Variants in RCAN2 observed in about 807,000 individuals in gnomAD.
RCAN2 encodes the protein regulator of calcineurin 2.
RCAN2 carries 9 observed loss-of-function variants against 23.6 expected under a neutral mutation model. That is an observed-to-expected ratio of 0.38 (90% confidence interval 0.23 to 0.67). The LOEUF (loss-of-function observed/expected upper bound fraction) is 0.67, where lower values mean the gene tolerates loss of function less well. RCAN2 is among the 30% of genes least tolerant of loss of function. The probability of loss-of-function intolerance (pLI) is 0.51; values close to 1 mark genes in which losing one functional copy is unlikely to be tolerated. For missense variants in RCAN2, 273 were observed against 302.3 expected (o/e 0.90, Z 0.72); for synonymous variants, 109 against 115.7 (o/e 0.94, Z 0.37).
rs1016014133 is a variant in RCAN2 at position 46,248,728 on chromosome 6, C to A, written c.394G>T (p.Ala132Ser). 8 of 1,604,432 alleles carry A rather than the reference C, an allele frequency of 5.0e-6. No homozygotes were observed. The highest frequency in any genetic ancestry group is 3.5e-5 in the Admixed American group (2 of 57,884). ...TTGGTAAACAATTACCTTACCTGTGCAAAGTAGAGCTTTAATTTTTTCCCT... is the reference window on the plus strand; with the variant it reads ...TTGGTAAACAATTACCTTACCTGTGAAAAGTAGAGCTTTAATTTTTTCCCT... The part of the protein sequence containing the change: ...FRGKKLKLYF[A>S]QVQTPETDGD... Residue 132 changes from alanine to serine, a missense_variant, in exon 3 of 5, where the codon GCA (alanine) becomes TCA (serine). Coordinates refer to ENST00000371374, the MANE Select transcript of RCAN2 (RefSeq NM_001251974.2).
chr6:46,253,887 T>C (rs539335226), intron 2 of RCAN2, among the ~76,000 whole-genome samples: 26 of 152,342 alleles, frequency 1.7e-4, no homozygotes, highest in African/African-American at 6.3e-4. Context: ...AGTAATATGC[T>C]GTACAGGTTT....
At chr6:46,487,394 G>A (rs954693736) in intron 1 of RCAN2, among the ~76,000 whole-genome samples, 2 of 152,182 alleles carry the variant, frequency 1.3e-5, no homozygotes, top group African/African-American at 2.4e-5. Flanking sequence ...TCAACTAAGA[G>A]GTGGCCCCTA....
intron 2 of RCAN2, among the ~76,000 whole-genome samples, chr6:46,299,904 A>G (rs566102039): frequency 4.6e-5 from 7 of 152,038 alleles, no homozygotes; most frequent in African/African-American, 1.7e-4. Flanking sequence ...AAGAAGCTTC[A>G]CTACTTAATT....
At chr6:46,447,660 A>G (rs1477246439) in intron 2 of RCAN2, among the ~76,000 whole-genome samples, 1 of 151,948 alleles carries the variant, frequency 6.6e-6, no homozygotes, top group Non-Finnish European at 1.5e-5. Context: ...TTTAAACTAC[A>G]GTAGTATATA....
intron 2 of RCAN2, among the ~76,000 whole-genome samples, chr6:46,450,487 T>C (rs1017875270): frequency 6.6e-6 from 1 of 152,114 alleles, no homozygotes; most frequent in African/African-American, 2.4e-5. Flanking sequence ...AAGAGATATC[T>C]GCTCTCCATT....
intron 4 of RCAN2, among the ~76,000 whole-genome samples, chr6:46,231,697 AC>A (rs1378794767): frequency 3.9e-5 from 6 of 152,156 alleles, no homozygotes; most frequent in African/African-American, 1.4e-4. Flanking sequence ...GGTGTGAGCC[AC>A]CACGCCCGGA....
In RCAN2 at chr6:46,223,146, T is replaced by G. The variant is rs1402291238; in HGVS notation, c.727A>C (p.Asn243His). The G allele has an allele frequency of 3.7e-6, 6 of 1,613,196 alleles. No individual in the cohort carries two copies. Among genetic ancestry groups the G allele is most frequent in the Non-Finnish European group, 5.1e-6 (6 of 1,179,904 alleles). Residue 243 changes from asparagine to histidine, a missense_variant, in exon 5 of 5, where the codon AAC becomes CAC. By Grantham distance (68) the Asn-to-His change is moderately conservative. Coordinates refer to ENST00000371374, the MANE Select transcript of RCAN2 (RefSeq NM_001251974.2). Reference protein sequence around the residue: ...RRPGLPPSVSN With the variant: ...RRPGLPPSVSH The stretch of plus-strand genomic sequence containing the variant: ...ATCGAGAAGGAGCAGGCAGCTCAGT[T>G]GGACACGGAGGGTGGCAGGCCAGGA...
chr6:46,318,077 T>C (rs184506859), intron 2 of RCAN2, among the ~76,000 whole-genome samples: 1 of 152,316 alleles, frequency 6.6e-6, no homozygotes, highest in East Asian at 1.9e-4. Flanking sequence ...GAGATGAATA[T>C]CTCTGGAGCT....
chr6:46,353,273 A>G (rs1447357818), intron 2 of RCAN2, among the ~76,000 whole-genome samples: 1 of 152,142 alleles, frequency 6.6e-6, no homozygotes, highest in African/African-American at 2.4e-5. Flanking sequence ...ACAAGCACTC[A>G]AGGTACAACA....
intron 4 of RCAN2, among the ~76,000 whole-genome samples, chr6:46,224,594 C>T (rs1170078395): frequency 6.6e-6 from 1 of 152,192 alleles, no homozygotes; most frequent in African/African-American, 2.4e-5. Flanking sequence ...CCAGAGTTCC[C>T]TAAATCCTGA....
chr6:46,375,931 GT>G (rs1482241792), intron 2 of RCAN2, among the ~76,000 whole-genome samples: 4 of 152,224 alleles, frequency 2.6e-5, no homozygotes, highest in Non-Finnish European at 5.9e-5. Flanking sequence ...ATGGGCCACA[GT>G]TTGCCAATCT....
intron 2 of RCAN2, among the ~76,000 whole-genome samples, chr6:46,277,588 A>AC (rs1364308988): frequency 1.5e-5 from 1 of 67,196 alleles, no homozygotes; most frequent in Non-Finnish European, 4.5e-5. Context: ...ACTTTTTAAA[A>AC]CTTTTTTTTT....
chr6:46,238,291 G>A (rs1766178983), intron 4 of RCAN2, among the ~76,000 whole-genome samples: 2 of 152,122 alleles, frequency 1.3e-5, no homozygotes, highest in Non-Finnish European at 1.5e-5. Flanking sequence ...CTTACTAGGC[G>A]TTCTCTGCCT....
intron 2 of RCAN2, among the ~76,000 whole-genome samples, chr6:46,287,115 G>A (rs1762400418): frequency 6.6e-6 from 1 of 152,154 alleles, no homozygotes; most frequent in Non-Finnish European, 1.5e-5. Flanking sequence ...ATGCCATGGT[G>A]GAGAATGGGA....
intron 2 of RCAN2, among the ~76,000 whole-genome samples, chr6:46,263,788 C>G (rs1194699743): frequency 6.6e-6 from 1 of 150,702 alleles, no homozygotes; most frequent in Non-Finnish European, 1.5e-5. Flanking sequence ...TAATAGTTGG[C>G]CCTAAGCCAT....
intron 2 of RCAN2, among the ~76,000 whole-genome samples, chr6:46,271,126 GTATC>G (rs1767510290): frequency 6.6e-6 from 1 of 152,196 alleles, no homozygotes; most frequent in African/African-American, 2.4e-5. Flanking sequence ...AACAGGATGT[GTATC>G]TGTCTGCCTG....
intron 2 of RCAN2, among the ~76,000 whole-genome samples, chr6:46,299,190 G>A (rs531345944): frequency 8.1e-4 from 123 of 151,952 alleles, no homozygotes; most frequent in African/African-American, 2.5e-3. Flanking sequence ...ATTTACTTAC[G>A]TAACAAACCT....
At chr6:46,342,023 C>A (rs199799589) in intron 2 of RCAN2, among the ~76,000 whole-genome samples, 1 of 151,782 alleles carries the variant, frequency 6.6e-6, no homozygotes, top group South Asian at 2.1e-4. Flanking sequence ...GTTGGGGTGC[C>A]TTTGGTTATG....
chr6:46,238,006 G>A (rs940880792), intron 4 of RCAN2, among the ~76,000 whole-genome samples: 1 of 152,156 alleles, frequency 6.6e-6, no homozygotes, highest in Non-Finnish European at 1.5e-5. Context: ...CCTTCCCCCT[G>A]AGCCTGGCCC....
Sources: gnomAD v4.1 joint callset for allele counts (sites outside exome capture counted in the v4.1 genomes callset) on GRCh38, gnomAD v4.1.1 for gene constraint, MANE v1.5 for transcripts, NCBI Gene and HGNC (gene_info 2026-07-23, HGNC 2026-07-21) for gene names.